The following RIPOR3 variants were observed in gnomAD, a reference collection of about 807,000 sequenced individuals.
The protein encoded by RIPOR3 is RIPOR family member 3, also known as family with sequence similarity 65 member C.
RIPOR3 carries 95 observed loss-of-function variants against 114.3 expected under a neutral mutation model. That is an observed-to-expected ratio of 0.83 (90% confidence interval 0.70 to 0.99). The LOEUF is 0.99. Ranked by LOEUF, RIPOR3 falls within the 50% of genes least tolerant of loss-of-function variation. The probability of loss-of-function intolerance (pLI) is 0.00; values close to 1 mark genes in which losing one functional copy is unlikely to be tolerated. For missense variants in RIPOR3, 1,252 were observed against 1,266.9 expected (o/e 0.99, Z 0.18); for synonymous variants, 575 against 543.8 (o/e 1.06, Z -0.80).
At chr20:50,622,282 A>C (rs953186116) in intron 2 of RIPOR3, among the ~76,000 whole-genome samples, 4 of 151,756 alleles carry the variant, frequency 2.6e-5, no homozygotes, top group African/African-American at 7.3e-5. Context: ...CCTGGGTTCA[A>C]GCGATTCTCC....
In RIPOR3 at chr20:50,620,066, C is replaced by T. The variant is rs148777612; in HGVS notation, c.189G>A (p.Thr63=). The T allele has an allele frequency of 1.4e-5, 22 of 1,614,060 alleles. No individual in the cohort carries two copies. Among genetic ancestry groups the T allele is most frequent in the East Asian group, 1.1e-4 (5 of 44,890 alleles). Residue 63 remains threonine, a synonymous_variant, in exon 3 of 22, where the codon ACG becomes ACA. Coordinates refer to ENST00000327979, the MANE Select transcript of RIPOR3 (RefSeq NM_001290268.2). ...MPAKSSKMYG[T]LRKGSVCADP... ...CTGCACAGACCGACCCCTTCCGCAG[C>T]GTGCCGTACATCTTGGAGGATTTTG...
At position 50,604,725 on chromosome 20, in the gene RIPOR3, A is replaced by T. The variant is rs1601487994; in HGVS notation, c.1006T>A (p.Phe336Ile). The T allele has an allele frequency of 6.2e-7, 1 of 1,608,746 alleles. No homozygotes were observed. ...GAGCCCTTCCTGCTGCCCATAGAAAACTTGCCCGTGGGGCTGGGTGACACC... is the reference window on the plus strand; with the variant it reads ...GAGCCCTTCCTGCTGCCCATAGAAATCTTGCCCGTGGGGCTGGGTGACACC... The part of the protein sequence containing the change: ...FLVSPSPTGK[F>I]SMGSRKGSLY... The change falls in exon 12 of 22, where the codon TTT becomes ATT. Residue 336 changes from phenylalanine to isoleucine, a missense_variant. By Grantham distance (21) the Phe-to-Ile change is conservative. Coordinates refer to ENST00000327979, the MANE Select transcript of RIPOR3 (RefSeq NM_001290268.2).
intron 1 of RIPOR3, among the ~76,000 whole-genome samples, chr20:50,670,344 G>A (rs1039755341): frequency 6.6e-6 from 1 of 151,684 alleles, no homozygotes; most frequent in East Asian, 1.9e-4. Context: ...GGGAAGTCTC[G>A]TCATCAACAC....
chr20:50,655,472 C>T (rs2085776782), intron 1 of RIPOR3, among the ~76,000 whole-genome samples: 1 of 152,194 alleles, frequency 6.6e-6, no homozygotes, highest in African/African-American at 2.4e-5. Context: ...GGCGCGCTGA[C>T]GACAGCTGCA....
At chr20:50,633,993 T>C (rs1358191653) in intron 1 of RIPOR3, among the ~76,000 whole-genome samples, 137 of 149,822 alleles carry the variant, frequency 9.1e-4, no homozygotes, top group African/African-American at 3.2e-3. Context: ...TTTTTTTTTT[T>C]TTTTTTTAGA....
At chr20:50,641,437 CAGTGGTGTG>C (rs1290281021) in intron 1 of RIPOR3, among the ~76,000 whole-genome samples, 1 of 152,186 alleles carries the variant, frequency 6.6e-6, no homozygotes, top group Non-Finnish European at 1.5e-5. Flanking sequence ...GGCCAGGGTG[CAGTGGTGTG>C]ATCATAGCTC....
chr20:50,609,562 G>A lies in RIPOR3; in HGVS notation c.576+11C>T. On this transcript the variant is annotated intron_variant, in intron 7 of 21. Transcript: ENST00000327979. ...TGCCCCTGCTGCCCAGCCCAGCTTGGCCCGGCCCACCTCGGCGCACTCGTG... is the reference window on the plus strand; with the variant it reads ...TGCCCCTGCTGCCCAGCCCAGCTTGACCCGGCCCACCTCGGCGCACTCGTG... 1.4e-6 allele frequency: 2 copies of A among 1,425,222 alleles called. No individual in the cohort carries two copies. The highest frequency in any genetic ancestry group is 9.1e-7 in the Non-Finnish European group (1 of 1,093,658). 88.3% of individuals were successfully genotyped at this position (1,425,222 alleles called of 1,614,324 possible).
chr20:50,687,627 C>T (rs540358570), intron 1 of RIPOR3, among the ~76,000 whole-genome samples: 3 of 152,290 alleles, frequency 2.0e-5, no homozygotes, highest in Admixed American at 6.5e-5. Context: ...GTAGGCTGGG[C>T]GCAGTGGCTC....
intron 1 of RIPOR3, among the ~76,000 whole-genome samples, chr20:50,685,380 C>T (rs2086982146): frequency 6.6e-6 from 1 of 151,670 alleles, no homozygotes; most frequent in South Asian, 2.1e-4. Context: ...CTGCGCCTGG[C>T]TAATTTTTGT....
At chr20:50,681,788 A>C (rs1358782810) in intron 1 of RIPOR3, among the ~76,000 whole-genome samples, 2 of 152,178 alleles carry the variant, frequency 1.3e-5, no homozygotes, top group African/African-American at 4.8e-5. Context: ...CAGATCTGTA[A>C]TCCCTACGCC....
At chr20:50,645,486 G>C (rs1427064345) in intron 1 of RIPOR3, 1 of 152,326 alleles carries the variant, frequency 6.6e-6, no homozygotes, top group African/African-American at 2.4e-5. Flanking sequence ...GCATCTGAGT[G>C]GTAAGAGGTG....
At chr20:50,597,492 G>A (rs2083333788) in intron 14 of RIPOR3, 88 bp downstream of exon 14, 2 of 1,516,178 alleles carry the variant, frequency 1.3e-6, no homozygotes, top group South Asian at 2.5e-5. Flanking sequence ...GGGAGAAACA[G>A]ACGGGGAGGC....
In RIPOR3 at chr20:50,594,610, G is replaced by C. The variant is rs901206831; in HGVS notation, c.2155C>G (p.Leu719Val). ...ACTCTGTGCTGGAAGGTTTTCTTGA[G>C]CTGGTTCAGCAGCGTCGTGGCAGGG... ...SCPATTLLNQ[L>V]KKTFQHRVRG... The change falls in exon 17 of 22, where the codon CTC (leucine) becomes GTC (valine). Residue 719 changes from leucine to valine, a missense_variant. Coordinates refer to ENST00000327979, the MANE Select transcript of RIPOR3 (RefSeq NM_001290268.2). 3.1e-6 allele frequency: 5 copies of C among 1,613,980 alleles called. No homozygotes were observed. In the African/African-American group the frequency reaches 5.3e-5, roughly 17 times the overall value.
chr20:50,616,886 T>C (rs2084192853), intron 3 of RIPOR3, among the ~76,000 whole-genome samples: 2 of 152,178 alleles, frequency 1.3e-5, no homozygotes, highest in African/African-American at 4.8e-5. Flanking sequence ...CTGACGCCTG[T>C]AATCCTAACA....
intron 1 of RIPOR3, among the ~76,000 whole-genome samples, chr20:50,676,945 A>G (rs2086696577): frequency 6.6e-6 from 1 of 152,064 alleles, no homozygotes; most frequent in Non-Finnish European, 1.5e-5. Context: ...TGCAGTCACC[A>G]AGCACCAGCT....
At chr20:50,599,916 TGAGA>T (rs538098082) in intron 13 of RIPOR3, among the ~76,000 whole-genome samples, 19 of 152,160 alleles carry the variant, frequency 1.2e-4, no homozygotes, top group Admixed American at 7.2e-4. Flanking sequence ...TTTTTTCTTT[TGAGA>T]GAGAGAGTCT....
chr20:50,594,816 G>C (rs2083233784), intron 16 of RIPOR3, 102 bp from the exon 17 acceptor site: 3 of 1,375,368 alleles, frequency 2.2e-6, no homozygotes, highest in Non-Finnish European at 3.0e-6. Flanking sequence ...GTAGGGAGGA[G>C]GGGACGGTGT....
intron 1 of RIPOR3, among the ~76,000 whole-genome samples, chr20:50,660,696 C>T (rs183954788): frequency 1.5e-4 from 23 of 151,526 alleles, no homozygotes; most frequent in African/African-American, 5.3e-4. Context: ...TTCCATTACA[C>T]GAACCAAAGA....
intron 1 of RIPOR3, among the ~76,000 whole-genome samples, chr20:50,635,236 T>G (rs2084943534): frequency 6.6e-6 from 1 of 152,238 alleles, no homozygotes; most frequent in Non-Finnish European, 1.5e-5. Flanking sequence ...TGGGTGGCCC[T>G]GCCTCTGACC....
Sources: gnomAD v4.1 joint callset for allele counts (sites outside exome capture counted in the v4.1 genomes callset) on GRCh38, gnomAD v4.1.1 for gene constraint, MANE v1.5 for transcripts, NCBI Gene and HGNC (gene_info 2026-07-23, HGNC 2026-07-21) for gene names.